Variants in DEPDC5 observed in about 807,000 individuals in gnomAD.
DEPDC5 encodes the protein DEP domain containing 5, GATOR1 subcomplex subunit.
DEPDC5 carries 73 observed loss-of-function variants against 217.3 expected under a neutral mutation model. That is an observed-to-expected ratio of 0.34 (90% confidence interval 0.28 to 0.41). The LOEUF (loss-of-function observed/expected upper bound fraction) is 0.41, where lower values mean the gene tolerates loss of function less well. Among genes scored for constraint, DEPDC5 ranks in the 10% least tolerant of loss-of-function variants. The pLI is 1.00. For missense variants in DEPDC5, 1,675 were observed against 2,070.1 expected (o/e 0.81, Z 3.70); for synonymous variants, 733 against 756.7 (o/e 0.97, Z 0.51).
intron 31 of DEPDC5, among the ~76,000 whole-genome samples, chr22:31,849,231 C>T (rs144389470): frequency 0.014 from 2,200 of 152,222 alleles, 18 homozygotes; most frequent in Middle Eastern, 0.031. Context: ...TCCACATTTT[C>T]GGGTATCTTT....
At chr22:31,823,185 C>A in intron 24 of DEPDC5, 1 of 195,554 alleles carries the variant, frequency 5.1e-6, no homozygotes, top group East Asian at 1.3e-4. Flanking sequence ...AAGTATGTGT[C>A]CAGTTTTAAG....
At chr22:31,756,424 C>G (rs1260857336) in intron 2 of DEPDC5, among the ~76,000 whole-genome samples, 1 of 152,132 alleles carries the variant, frequency 6.6e-6, no homozygotes, top group African/African-American at 2.4e-5. Context: ...ACAATTTCTG[C>G]TAAAATGCAC....
intron 21 of DEPDC5, chr22:31,815,705 A>T (rs896124937): frequency 1.5e-6 from 1 of 645,654 alleles, no homozygotes; most frequent in Non-Finnish European, 2.4e-6. Flanking sequence ...TGATTATCAT[A>T]TTTTTTTTTG....
intron 33 of DEPDC5, among the ~76,000 whole-genome samples, chr22:31,869,708 T>G (rs1276140593): frequency 6.6e-6 from 1 of 151,896 alleles, no homozygotes; most frequent in Admixed American, 6.6e-5. Context: ...GGGTGAATGG[T>G]AGGCAGTGTG....
intron 24 of DEPDC5, among the ~76,000 whole-genome samples, chr22:31,830,476 C>T (rs1023523325): frequency 1.3e-5 from 2 of 152,192 alleles, no homozygotes; most frequent in African/African-American, 4.8e-5. Flanking sequence ...AAAATAAGAC[C>T]TCAGAGAGCC....
chr22:31,771,357 G>A (rs777967421), intron 7 of DEPDC5, among the ~76,000 whole-genome samples: 4 of 152,120 alleles, frequency 2.6e-5, no homozygotes, highest in Non-Finnish European at 4.4e-5. Context: ...TGGCTATGGC[G>A]TGAGGATCAC....
chr22:31,791,343 G>GA (rs1420944346), intron 10 of DEPDC5, among the ~76,000 whole-genome samples: 1 of 152,016 alleles, frequency 6.6e-6, no homozygotes, highest in Non-Finnish European at 1.5e-5. Flanking sequence ...GAGCCACCTG[G>GA]ATTAAGAATA....
intron 32 of DEPDC5, among the ~76,000 whole-genome samples, chr22:31,860,558 C>G (rs1182869378): frequency 2.0e-5 from 3 of 152,174 alleles, no homozygotes; most frequent in Non-Finnish European, 4.4e-5. Context: ...AAAAAGTCCT[C>G]CGTGTCATTT....
intron 38 of DEPDC5, among the ~76,000 whole-genome samples, chr22:31,888,788 C>T (rs1243961804): frequency 6.6e-6 from 1 of 152,182 alleles, no homozygotes; most frequent in African/African-American, 2.4e-5. Flanking sequence ...TCAAGCAATC[C>T]TCCCACCTCG....
chr22:31,882,370 A>G (rs2093200284), intron 38 of DEPDC5, among the ~76,000 whole-genome samples: 1 of 152,228 alleles, frequency 6.6e-6, no homozygotes, highest in Admixed American at 6.5e-5. Context: ...ACTTTCTGAG[A>G]AAAAGACACA....
chr22:31,817,413 G>A lies in DEPDC5; in HGVS notation c.1667-1609G>A, dbSNP rs1433953040. On this transcript the variant is annotated intron_variant, in intron 21 of 42. Transcript: ENST00000651528. ...GCGTGAGCCACCTTGCCTGGCCAAAGTGACATCTTTCATATACTTGGTGGC... is the reference window on the plus strand; with the variant it reads ...GCGTGAGCCACCTTGCCTGGCCAAAATGACATCTTTCATATACTTGGTGGC... 6 of 453,792 alleles carry A rather than the reference G, an allele frequency of 1.3e-5. No homozygotes were observed. In the East Asian group the frequency reaches 3.2e-4, roughly 24 times the overall value. The allele number at this position is 453,792 out of a possible 1,614,324, so 28.1% of individuals were successfully genotyped here. A position where few individuals can be genotyped will look rare whatever the true frequency, so the allele number is the denominator to read the frequency against.
chr22:31,829,329 C>T (rs537420498), intron 24 of DEPDC5, among the ~76,000 whole-genome samples: 1 of 152,146 alleles, frequency 6.6e-6, no homozygotes, highest in South Asian at 2.1e-4. Flanking sequence ...GTCAGGAGTT[C>T]GAGACCAGCC....
chr22:31,804,102 T>C (rs2087197060), intron 15 of DEPDC5, 60 bp from the exon 16 acceptor site: 5 of 1,531,290 alleles, frequency 3.3e-6, no homozygotes, highest in Non-Finnish European at 4.5e-6. Flanking sequence ...GATTTATAGA[T>C]AGGGACACTT....
At chr22:31,828,323 T>C (rs2090314967) in intron 24 of DEPDC5, among the ~76,000 whole-genome samples, 1 of 152,042 alleles carries the variant, frequency 6.6e-6, no homozygotes, top group African/African-American at 2.4e-5. Context: ...TGGTGGCGCA[T>C]GCCTGTAATC....
rs781159677 is a variant in DEPDC5 at position 31,843,746 on chromosome 22, G to T, written c.2735G>T (p.Arg912Leu). The change falls in exon 29 of 43, where the codon CGG becomes CTG. Residue 912 changes from arginine (R) to leucine (L), a missense_variant. Physicochemically the swap from Arg to Leu is moderately radical, Grantham distance 102. Coordinates refer to ENST00000651528, the MANE Select transcript of DEPDC5 (RefSeq NM_001242896.3). ...VSCWVEFSHE[R>L]LEEYKWNYLD... ...TGCTGGGTGGAATTCTCCCACGAACGGCTGGAGGAGTACAAGTGGAATTAC... is the reference window on the plus strand; with the variant it reads ...TGCTGGGTGGAATTCTCCCACGAACTGCTGGAGGAGTACAAGTGGAATTAC... The T allele has an allele frequency of 1.2e-6, 2 of 1,613,936 alleles. No homozygotes were observed. Among genetic ancestry groups the T allele is most frequent in the Non-Finnish European group, 1.7e-6 (2 of 1,179,994 alleles).
Position 31,883,028 on chromosome 22 carries a change from A to G in DEPDC5, c.4033+3276A>G, listed in dbSNP as rs190106801. ...AAGAGCAGGGTTTCTCAACTTCAGC[A>G]CTACTGACATTTTGGGCCAGATCAT... On this transcript the variant is annotated intron_variant, in intron 38 of 42. Transcript: ENST00000651528. 2.9e-3 allele frequency among the ~76,000 whole-genome samples: 436 copies of G among 152,288 alleles called. 3 individuals carry two copies. Among genetic ancestry groups the G allele is most frequent in the Non-Finnish European group, 4.6e-3 (314 of 68,018 alleles).
chr22:31,839,117 A>G (rs1002092929), intron 27 of DEPDC5, among the ~76,000 whole-genome samples: 3 of 152,248 alleles, frequency 2.0e-5, no homozygotes, highest in Non-Finnish European at 1.5e-5. Flanking sequence ...ACCTGGGAAT[A>G]GTAGGCAGCT....
At chr22:31,777,806 G>C (rs996924646) in intron 7 of DEPDC5, among the ~76,000 whole-genome samples, 1 of 152,014 alleles carries the variant, frequency 6.6e-6, no homozygotes, top group African/African-American at 2.4e-5. Context: ...GGAGTGCAGT[G>C]GCATGATGTT....
At chr22:31,815,373 T>A in intron 21 of DEPDC5, 161 bp downstream of exon 21, 1 of 744,160 alleles carries the variant, frequency 1.3e-6, no homozygotes, top group Non-Finnish European at 2.3e-6. Flanking sequence ...TAGCTATGTA[T>A]ATATTATACT....
Sources: gnomAD v4.1 joint callset for allele counts (sites outside exome capture counted in the v4.1 genomes callset) on GRCh38, gnomAD v4.1.1 for gene constraint, MANE v1.5 for transcripts, NCBI Gene and HGNC (gene_info 2026-07-23, HGNC 2026-07-21) for gene names.